The following BMP7 variants were observed in gnomAD, a reference collection of about 807,000 sequenced individuals.
BMP7 encodes the protein osteogenic protein 1.
In BMP7, 12 loss-of-function variants were observed where a neutral mutation model predicts 41.2. The observed-to-expected ratio is 0.29, with a 90% CI of 0.19 to 0.47. The LOEUF (loss-of-function observed/expected upper bound fraction) is 0.47. Ranked by LOEUF, BMP7 falls within the 20% of genes least tolerant of loss-of-function variation. The pLI is 0.99. For synonymous variants in BMP7, 248 were observed against 250.0 expected, an observed-to-expected ratio of 0.99 and a Z score of 0.07; for missense variants, 467 against 606.0, an observed-to-expected ratio of 0.77 and a Z score of 2.41.
intron 2 of BMP7, among the ~76,000 whole-genome samples, chr20:57,218,157 A>T (rs1383366029): frequency 6.6e-6 from 1 of 152,224 alleles, no homozygotes; most frequent in Non-Finnish European, 1.5e-5. Flanking sequence ...GCTGTCTTGA[A>T]ATCCTTTATA....
chr20:57,170,654 T>G lies in BMP7; in HGVS notation c.*305A>C. Reference sequence around the variant, plus strand: ...GCTCATAATTACCTCTGGAAACGAGTCCGTGCATGGCTGAGACTTCCCAGC... The same window carrying G: ...GCTCATAATTACCTCTGGAAACGAGGCCGTGCATGGCTGAGACTTCCCAGC... On this transcript the variant is annotated 3_prime_UTR_variant, in exon 7 of 7. Transcript: ENST00000395863. 1 of 378,804 alleles carries G rather than the reference T, an allele frequency of 2.6e-6. No individual in the cohort carries two copies. The highest frequency in any genetic ancestry group is 2.2e-5 in the South Asian group (1 of 45,208). 23.5% of individuals were successfully genotyped at this position (378,804 alleles called of 1,614,324 possible).
chr20:57,236,810 A>G (rs952730838), intron 1 of BMP7, among the ~76,000 whole-genome samples: 5 of 151,824 alleles, frequency 3.3e-5, no homozygotes, highest in Admixed American at 6.6e-5. Context: ...CCAGTTGCAC[A>G]TGAAAGATAT....
intron 2 of BMP7, among the ~76,000 whole-genome samples, chr20:57,225,294 T>C (rs1373922685): frequency 1.3e-5 from 2 of 152,110 alleles, no homozygotes; most frequent in Non-Finnish European, 2.9e-5. Flanking sequence ...TACTGGAAGA[T>C]TGCAGAATTA....
chr20:57,176,368 C>T (rs1025080635), intron 4 of BMP7, among the ~76,000 whole-genome samples: 4 of 152,230 alleles, frequency 2.6e-5, no homozygotes, highest in Admixed American at 2.0e-4. Context: ...GAATTTTCTA[C>T]TGGTTGAAGC....
chr20:57,232,760 G>C (rs2066033791), intron 1 of BMP7, among the ~76,000 whole-genome samples: 1 of 151,804 alleles, frequency 6.6e-6, no homozygotes, highest in Admixed American at 6.6e-5. Flanking sequence ...AAGCAGGAAC[G>C]ACAATGTTAC....
chr20:57,203,493 A>G (rs1440241967), intron 2 of BMP7, among the ~76,000 whole-genome samples: 2 of 151,580 alleles, frequency 1.3e-5, no homozygotes, highest in African/African-American at 2.4e-5. Flanking sequence ...GGATGGATGG[A>G]TGGATGGATG....
chr20:57,237,043 G>A (rs992437557), intron 1 of BMP7, among the ~76,000 whole-genome samples: 2 of 152,196 alleles, frequency 1.3e-5, no homozygotes, highest in African/African-American at 4.8e-5. Context: ...CTATGAGGCA[G>A]GAACAAATAT....
chr20:57,171,566 C>T lies in BMP7; in HGVS notation c.1147-458G>A, dbSNP rs191612245. Among the ~76,000 whole-genome samples the T allele has an allele frequency of 6.1e-4, 93 of 152,186 alleles. 1 individual carries two copies. In the East Asian group the frequency reaches 0.016, roughly 27 times the overall value. On this transcript the variant is annotated intron_variant, in intron 6 of 6. Coordinates refer to ENST00000395863, the MANE Select transcript of BMP7 (RefSeq NM_001719.3). The surrounding 1 kb of genome is among the most constrained non-coding windows in gnomAD (Gnocchi z 4.5). ...AGTGCCACTGATAAGCAAAATAGAC[C>T]GAGGTAAGACAATAGGGAATAGTGG... is the stretch of plus-strand genomic sequence containing the variant.
chr20:57,173,850 G>C (rs577796095), intron 5 of BMP7, among the ~76,000 whole-genome samples: 1 of 152,274 alleles, frequency 6.6e-6, no homozygotes, highest in African/African-American at 2.4e-5. Context: ...CTGCCAGAGA[G>C]GCTAATAACT....
Position 57,170,844 on chromosome 20 carries a change from G to C in BMP7, c.*115C>G. On this transcript the variant is annotated 3_prime_UTR_variant, in exon 7 of 7. Coordinates refer to ENST00000395863, the MANE Select transcript of BMP7 (RefSeq NM_001719.3). The stretch of plus-strand genomic sequence containing the variant: ...TAATACTCTCACACCTTTAAAGTTG[G>C]GGATAGGGAGGGGAAGGTCTCACAA... 7.5e-7 allele frequency: 1 copy of C among 1,325,062 alleles called. No individual in the cohort carries two copies. Among genetic ancestry groups the C allele is most frequent in the Non-Finnish European group, 1.1e-6 (1 of 949,140 alleles). The allele number at this position is 1,325,062 out of a possible 1,614,324, so 82.1% of individuals were successfully genotyped here. A position where few individuals can be genotyped will look rare whatever the true frequency, so the allele number is the denominator to read the frequency against.
chr20:57,210,586 GGCCCTGAAACT>G (rs1984856293), intron 2 of BMP7, among the ~76,000 whole-genome samples: 2 of 152,208 alleles, frequency 1.3e-5, no homozygotes, highest in Non-Finnish European at 2.9e-5. Flanking sequence ...CAGGGAAGAT[GGCCCTGAAACT>G]GCCCCAGGGC....
intron 3 of BMP7, among the ~76,000 whole-genome samples, chr20:57,196,975 C>T (rs1262534461): frequency 2.0e-5 from 3 of 151,622 alleles, no homozygotes; most frequent in Non-Finnish European, 4.4e-5. Flanking sequence ...GATCTCGGTT[C>T]ACTGCAACCT....
chr20:57,251,233 A>G (rs1388113598), intron 1 of BMP7, among the ~76,000 whole-genome samples: 1 of 152,112 alleles, frequency 6.6e-6, no homozygotes, highest in Non-Finnish European at 1.5e-5. Context: ...AGCCCAGGAG[A>G]CAGGCACCCA....
rs190556953 is a variant in BMP7, at chr20:57,171,980, C to A, written c.1147-872G>T. Among the ~76,000 whole-genome samples, 1 of 152,318 alleles carries A rather than the reference C, an allele frequency of 6.6e-6. No homozygotes were observed. Among genetic ancestry groups the A allele is most frequent in the African/African-American group, 2.4e-5 (1 of 41,566 alleles). On this transcript the variant is annotated intron_variant, in intron 6 of 6. Transcript: ENST00000395863. The surrounding 1 kb of genome is among the most constrained non-coding windows in gnomAD (Gnocchi z 4.5). ...TCAGGACTCTCTAGAAGACAGTTGC[C>A]CCCTTTTAAACATGACCACAATCGC...
chr20:57,177,032 A>G (rs1983943195), intron 4 of BMP7, among the ~76,000 whole-genome samples: 1 of 152,184 alleles, frequency 6.6e-6, no homozygotes, highest in Non-Finnish European at 1.5e-5. Flanking sequence ...GCAGTAAGCT[A>G]GCCTCCCATG....
rs565893643 is a variant in BMP7 at position 57,202,938 on chromosome 20, C to T, written c.612-315G>A. On this transcript the variant is annotated intron_variant, in intron 2 of 6. Coordinates refer to ENST00000395863, the MANE Select transcript of BMP7 (RefSeq NM_001719.3). ...AGGAAGACAGGGATTATGCAGCCTC[C>T]GTGTTGCTGGAAGAGTCTCAGAGAG... 5.9e-5 allele frequency among the ~76,000 whole-genome samples: 9 copies of T among 152,260 alleles called. No individual in the cohort carries two copies. The South Asian group carries it at 6.2e-4, about 11-fold the overall frequency.
At chr20:57,217,130 G>C (rs77902212) in intron 2 of BMP7, among the ~76,000 whole-genome samples, 1 of 152,082 alleles carries the variant, frequency 6.6e-6, no homozygotes, top group Non-Finnish European at 1.5e-5. Flanking sequence ...TTGTTGGGAG[G>C]CTCCTGGTTC....
intron 2 of BMP7, among the ~76,000 whole-genome samples, chr20:57,205,422 C>G (rs1310336869): frequency 6.6e-6 from 1 of 152,190 alleles, no homozygotes; most frequent in Non-Finnish European, 1.5e-5. Flanking sequence ...GCTGTCTTAT[C>G]TCCAGTTTGC....
chr20:57,230,350 G>A (rs1719190514), intron 1 of BMP7, among the ~76,000 whole-genome samples: 1 of 152,132 alleles, frequency 6.6e-6, no homozygotes, highest in African/African-American at 2.4e-5. Flanking sequence ...AGCCTCGGGA[G>A]GTGACCCCAG....
Sources: allele counts gnomAD v4.1 joint callset (sites outside exome capture counted in the v4.1 genomes callset), GRCh38; gene constraint gnomAD v4.1.1; non-coding constraint Gnocchi (gnomAD v3.1); transcripts MANE v1.5; gene names NCBI Gene and HGNC (gene_info 2026-07-23, HGNC 2026-07-21).